Variants in STAT4 observed in about 807,000 individuals in gnomAD.
STAT4 encodes the protein signal transducer and activator of transcription 4.
In STAT4, 42 loss-of-function variants were observed where a neutral mutation model predicts 110.5. The ratio of observed to expected loss-of-function variants is 0.38; its 90% CI spans 0.30 to 0.49. STAT4 has a LOEUF of 0.49. Ranked by LOEUF, STAT4 falls within the 20% of genes least tolerant of loss-of-function variation. The pLI, the probability that STAT4 is intolerant of heterozygous loss-of-function variation, is 0.95. For missense variants in STAT4, 632 were observed against 887.9 expected (o/e 0.71, Z 3.66); for synonymous variants, 284 against 302.2 (o/e 0.94, Z 0.63).
chr2:191,105,553 C>T (rs2125345382), intron 3 of STAT4, among the ~76,000 whole-genome samples: 1 of 152,214 alleles, frequency 6.6e-6, no homozygotes, highest in South Asian at 2.1e-4. Flanking sequence ...TCCATATCCA[C>T]TGTATAAAAT....
chr2:191,064,887 C>T lies in STAT4; in HGVS notation c.702G>A (p.Glu234=). 6.2e-7 allele frequency: 1 copy of T among 1,613,416 alleles called. No individual in the cohort carries two copies. Among genetic ancestry groups the T allele is most frequent in the Non-Finnish European group, 8.5e-7 (1 of 1,179,682 alleles). The part of the protein sequence containing the change: ...DLLMNTMLIE[E]LQDWKRRQQI... ...GCTGCCGCCGCTTCCAGTCTTGCAGCTCTTCTATGAGCATGGTGTTCATTA... is the reference window on the plus strand; with the variant it reads ...GCTGCCGCCGCTTCCAGTCTTGCAGTTCTTCTATGAGCATGGTGTTCATTA... The change falls in exon 8 of 24, where the codon GAG becomes GAA. Residue 234 remains glutamate, a synonymous_variant. Coordinates refer to ENST00000392320, the MANE Select transcript of STAT4 (RefSeq NM_003151.4).
rs112109582 is a variant in STAT4, at chr2:191,110,429, C to T, written c.274-34104G>A. Among the ~76,000 whole-genome samples the T allele has an allele frequency of 2.0e-5, 3 of 152,244 alleles. No homozygotes were observed. Among genetic ancestry groups the T allele is most frequent in the African/African-American group, 7.2e-5 (3 of 41,556 alleles). On this transcript the variant is annotated intron_variant, in intron 3 of 23. Transcript: ENST00000392320. The surrounding 1 kb of genome is among the most constrained non-coding windows in gnomAD (Gnocchi z 4.5). The stretch of plus-strand genomic sequence containing the variant: ...CTCGCACATATCATCTCATTCAAAG[C>T]CTACTGTAGCCCTAAGATAGCTATT...
chr2:191,063,301 T>A (rs1338378193), intron 8 of STAT4, among the ~76,000 whole-genome samples: 5 of 152,084 alleles, frequency 3.3e-5, no homozygotes, highest in Non-Finnish European at 5.9e-5. Flanking sequence ...TTTAAAGCCA[T>A]AAAAAAATGC....
rs1696985333 is a variant in STAT4 at position 191,066,334 on chromosome 2, C to T, written c.630+96G>A. On this transcript the variant is annotated intron_variant, in intron 7 of 23. Coordinates refer to ENST00000392320, the MANE Select transcript of STAT4 (RefSeq NM_003151.4). The surrounding 1 kb of genome is among the most constrained non-coding windows in gnomAD (Gnocchi z 4.3). ...CCGTTTCTTCATTCAGTAAATGGAA[C>T]TGATAAAATCTGACAGCTTGATTAT... is the stretch of plus-strand genomic sequence containing the variant. 10 of 1,099,416 alleles carry T rather than the reference C, an allele frequency of 9.1e-6. No homozygotes were observed. In the Admixed American group the frequency reaches 1.8e-4, roughly 20 times the overall value. 68.1% of individuals were successfully genotyped at this position (1,099,416 alleles called of 1,614,324 possible).
Position 191,091,474 on chromosome 2 carries a change from G to C in STAT4, c.274-15149C>G, listed in dbSNP as rs1278975929. Among the ~76,000 whole-genome samples the C allele has an allele frequency of 2.6e-5, 4 of 152,148 alleles. No homozygotes were observed. The highest frequency in any genetic ancestry group is 7.2e-5 in the African/African-American group (3 of 41,434). On this transcript the variant is annotated intron_variant, in intron 3 of 23. Coordinates refer to ENST00000392320, the MANE Select transcript of STAT4 (RefSeq NM_003151.4). This position sits in a 1 kb window ranked among gnomAD's most constrained non-coding sequence, Gnocchi z 5.4. ...CATAAATTCTAAATGTGAGAGACTT[G>C]TTATTATAAAAATATTAATTGTCTC...
intron 7 of STAT4, among the ~76,000 whole-genome samples, chr2:191,065,579 A>G (rs1559051103): frequency 6.6e-6 from 1 of 152,198 alleles, no homozygotes; most frequent in Non-Finnish European, 1.5e-5. Flanking sequence ...CTCTTTTTAA[A>G]ATGTTATTCC....
chr2:191,063,034 A>G, intron 8 of STAT4, 114 bp from the exon 9 acceptor site: 1 of 818,840 alleles, frequency 1.2e-6, no homozygotes, highest in Non-Finnish European at 1.7e-6. Flanking sequence ...TATTAAATTA[A>G]TTAAATGAAT....
At chr2:191,105,154 C>G (rs1208015922) in intron 3 of STAT4, among the ~76,000 whole-genome samples, 2 of 152,142 alleles carry the variant, frequency 1.3e-5, no homozygotes, top group Non-Finnish European at 2.9e-5. Context: ...CTCTTCTCAG[C>G]CCTTGTACCA....
chr2:191,085,484 G>T (rs1697611912), intron 3 of STAT4, among the ~76,000 whole-genome samples: 1 of 151,738 alleles, frequency 6.6e-6, no homozygotes, highest in Non-Finnish European at 1.5e-5. Context: ...AATTGTATGA[G>T]ATTCTTATGA....
rs374844876 is a variant in STAT4 at position 191,146,599 on chromosome 2, G to C, written c.273+14C>G. On this transcript the variant is annotated intron_variant, in intron 3 of 23. Coordinates refer to ENST00000392320, the MANE Select transcript of STAT4 (RefSeq NM_003151.4). This position sits in a 1 kb window ranked among gnomAD's most constrained non-coding sequence, Gnocchi z 4.5. ...TATATCCAAATATTTTGGAAAAGTA[G>C]AATGCATTCTTACCTGAAGGACCTT... The C allele has an allele frequency of 7.4e-6, 11 of 1,479,438 alleles. No homozygotes were observed. In the South Asian group the frequency reaches 8.9e-5, roughly 12 times the overall value. 91.6% of individuals were successfully genotyped at this position (1,479,438 alleles called of 1,614,324 possible).
chr2:191,039,116 C>T lies in STAT4; in HGVS notation c.1434+83G>A. 7.9e-7 allele frequency: 1 copy of T among 1,258,564 alleles called. No individual in the cohort carries two copies. Among genetic ancestry groups the T allele is most frequent in the East Asian group, 2.3e-5 (1 of 43,114 alleles). 78.0% of individuals were successfully genotyped at this position (1,258,564 alleles called of 1,614,324 possible). On this transcript the variant is annotated intron_variant, in intron 16 of 23. Transcript: ENST00000392320. The surrounding 1 kb of genome is among the most constrained non-coding windows in gnomAD (Gnocchi z 4.7). ...TCTCACCCCACACCCCACTGGCACACACATGTTTTGATGCAGATGTGTTTG... is the reference window on the plus strand; with the variant it reads ...TCTCACCCCACACCCCACTGGCACATACATGTTTTGATGCAGATGTGTTTG...
rs1020569894 is a variant in STAT4, at chr2:191,061,531, G to A, written c.1034+198C>T. Among the ~76,000 whole-genome samples, 6 of 152,080 alleles carry A rather than the reference G, an allele frequency of 3.9e-5. No individual in the cohort carries two copies. The highest frequency in any genetic ancestry group is 1.4e-4 in the African/African-American group (6 of 41,400). ...GCTAATATCCCTTATGTCCTCATCTGCACTGTCATGCTCTTGACAAGCAGG... is the reference window on the plus strand; with the variant it reads ...GCTAATATCCCTTATGTCCTCATCTACACTGTCATGCTCTTGACAAGCAGG... On this transcript the variant is annotated intron_variant, in intron 10 of 23. Transcript: ENST00000392320. This position sits in a 1 kb window ranked among gnomAD's most constrained non-coding sequence, Gnocchi z 6.2.
intron 3 of STAT4, among the ~76,000 whole-genome samples, chr2:191,093,120 C>A (rs566839268): frequency 6.6e-6 from 1 of 152,160 alleles, no homozygotes; most frequent in African/African-American, 2.4e-5. Flanking sequence ...GGGGGCAGGG[C>A]GTAGATGAAC....
intron 3 of STAT4, among the ~76,000 whole-genome samples, chr2:191,136,530 T>C (rs1306236566): frequency 6.6e-6 from 1 of 152,176 alleles, no homozygotes; most frequent in African/African-American, 2.4e-5. Context: ...GACCGGCAGA[T>C]CATTTGAGGT....
rs541612012 is a variant in STAT4 at position 191,110,475 on chromosome 2, G to A, written c.274-34150C>T. On this transcript the variant is annotated intron_variant, in intron 3 of 23. Transcript: ENST00000392320. This position sits in a 1 kb window ranked among gnomAD's most constrained non-coding sequence, Gnocchi z 4.5. ...CTATTATTCCTATTTTACGGGCAGG[G>A]CAACGGGCTGAGGGAAGCCAGACTT... Among the ~76,000 whole-genome samples the A allele has an allele frequency of 1.3e-5, 2 of 152,256 alleles. No individual in the cohort carries two copies. Among genetic ancestry groups the A allele is most frequent in the East Asian group, 3.9e-4 (2 of 5,186 alleles).
At position 191,039,103 on chromosome 2, in the gene STAT4, C is replaced by A. The variant is rs1035663114; in HGVS notation, c.1434+96G>T. The stretch of plus-strand genomic sequence containing the variant: ...CAAATAAAGCAACTCTCACCCCACA[C>A]CCCACTGGCACACACATGTTTTGAT... On this transcript the variant is annotated intron_variant, in intron 16 of 23. Coordinates refer to ENST00000392320, the MANE Select transcript of STAT4 (RefSeq NM_003151.4). This position sits in a 1 kb window ranked among gnomAD's most constrained non-coding sequence, Gnocchi z 4.7. 4 of 1,074,232 alleles carry A rather than the reference C, an allele frequency of 3.7e-6. No individual in the cohort carries two copies. Among genetic ancestry groups the A allele is most frequent in the Non-Finnish European group, 5.8e-6 (4 of 694,238 alleles). 66.5% of individuals were successfully genotyped at this position (1,074,232 alleles called of 1,614,324 possible).
At chr2:191,034,155 G>C in intron 18 of STAT4, 150 bp from the exon 19 acceptor site, 1 of 652,854 alleles carries the variant, frequency 1.5e-6, no homozygotes, top group Non-Finnish European at 2.5e-6. Context: ...TGGTGTGGTG[G>C]CTCATGCCTG....
chr2:191,121,748 A>G (rs1488726776), intron 3 of STAT4, among the ~76,000 whole-genome samples: 1 of 134,808 alleles, frequency 7.4e-6, no homozygotes, highest in Non-Finnish European at 1.6e-5. Context: ...AGGAAGGGGA[A>G]CATCACACAC....
chr2:191,146,703 TAAC>T lies in STAT4; in HGVS notation c.180_182del (p.Leu61del). The T allele has an allele frequency of 6.3e-7, 1 of 1,591,036 alleles. No homozygotes were observed. The highest frequency in any genetic ancestry group is 8.5e-7 in the Non-Finnish European group (1 of 1,169,734). ...GACCTAACTGTTCATCCAGTTGTAT[TAAC>T]AAGTTTTGAAGAAGAATCGTTGCCA... On this transcript the variant is annotated inframe_deletion, in exon 3 of 24. Coordinates refer to ENST00000392320, the MANE Select transcript of STAT4 (RefSeq NM_003151.4). This position sits in a 1 kb window ranked among gnomAD's most constrained non-coding sequence, Gnocchi z 4.5.
Sources: gnomAD v4.1 joint callset for allele counts (sites outside exome capture counted in the v4.1 genomes callset) on GRCh38, gnomAD v4.1.1 for gene constraint, Gnocchi (gnomAD v3.1) non-coding constraint, MANE v1.5 for transcripts, NCBI Gene and HGNC (gene_info 2026-07-23, HGNC 2026-07-21) for gene names.